The following SLC39A12 variants were observed in gnomAD, a reference collection of about 807,000 sequenced individuals.
SLC39A12 encodes zinc transporter ZIP12.
Under a neutral mutation model 71.1 loss-of-function variants are expected in SLC39A12, and 63 were observed. That is an observed-to-expected ratio of 0.89 (90% confidence interval 0.72 to 1.09). The LOEUF is 1.09. Ranked by LOEUF, SLC39A12 falls within the 50% of genes least tolerant of loss-of-function variation. SLC39A12 has a pLI of 0.00. For synonymous variants in SLC39A12, 351 were observed against 301.3 expected, an observed-to-expected ratio of 1.16 and a Z score of -1.71; for missense variants, 892 against 812.6, an observed-to-expected ratio of 1.10 and a Z score of -1.19.
intron 12 of SLC39A12, among the ~76,000 whole-genome samples, chr10:18,039,405 A>G (rs991867114): frequency 5.3e-5 from 8 of 152,206 alleles, no homozygotes; most frequent in African/African-American, 1.9e-4. Context: ...GGAGAAAACT[A>G]TTAAAAAATA....
chr10:18,036,794 A>ATTTTTTTTT lies in SLC39A12; in HGVS notation c.1948-5908_1948-5900dup, dbSNP rs746691202. ...TATATATATATATATATATATATATATTTTTTTTTTTAATGGAATCTCACT... is the reference window on the plus strand; with the variant it reads ...TATATATATATATATATATATATATATTTTTTTTTTTTTTTTTTTTAATGGAATCTCACT... On this transcript the variant is annotated intron_variant, in intron 12 of 12. Transcript: ENST00000377369. Among the ~76,000 whole-genome samples, 19 of 92,858 alleles carry ATTTTTTTTT rather than the reference A, an allele frequency of 2.0e-4. 1 individual carries two copies. The highest frequency in any genetic ancestry group is 1.3e-3 in the South Asian group (3 of 2,300). The allele number at this position is 92,858 out of a possible 152,430, so 60.9% of individuals were successfully genotyped here. A position where few individuals can be genotyped will look rare whatever the true frequency, so the allele number is the denominator to read the frequency against.
intron 4 of SLC39A12, among the ~76,000 whole-genome samples, chr10:17,966,850 T>C (rs1219218462): frequency 6.6e-6 from 1 of 151,850 alleles, no homozygotes; most frequent in African/African-American, 2.4e-5. Flanking sequence ...GGCGTGTGCC[T>C]GTAGTCCCAG....
intron 4 of SLC39A12, among the ~76,000 whole-genome samples, chr10:17,973,950 C>T (rs1564642947): frequency 6.6e-6 from 1 of 151,340 alleles, no homozygotes; most frequent in Non-Finnish European, 1.5e-5. Context: ...TAGACCCTGT[C>T]TTGCAAGCTT....
chr10:18,030,032 A>G (rs933641273), intron 12 of SLC39A12, among the ~76,000 whole-genome samples: 3 of 150,906 alleles, frequency 2.0e-5, no homozygotes, highest in African/African-American at 4.9e-5. Flanking sequence ...AAGAGATACT[A>G]TGGTTCATAT....
chr10:18,033,900 C>A (rs1836923545), intron 12 of SLC39A12, among the ~76,000 whole-genome samples: 2 of 151,824 alleles, frequency 1.3e-5, no homozygotes, highest in African/African-American at 2.4e-5. Context: ...GCCTTCATTT[C>A]GTTATGTACC....
chr10:17,977,762 T>C (rs1835146669), intron 4 of SLC39A12, 140 bp from the exon 5 acceptor site: 1 of 589,936 alleles, frequency 1.7e-6, no homozygotes, highest in Non-Finnish European at 2.7e-6. Flanking sequence ...TGGGTGGAAA[T>C]GTCCATTCTG....
intron 6 of SLC39A12, among the ~76,000 whole-genome samples, chr10:17,983,495 G>A (rs1835320794): frequency 6.6e-6 from 1 of 151,498 alleles, no homozygotes; most frequent in Admixed American, 6.6e-5. Flanking sequence ...TTAAAAACAA[G>A]AACCTAGGCC....
chr10:17,973,438 C>T (rs970446538), intron 4 of SLC39A12, among the ~76,000 whole-genome samples: 8 of 152,064 alleles, frequency 5.3e-5, no homozygotes, highest in Non-Finnish European at 7.4e-5. Flanking sequence ...AATAAAATCC[C>T]TCAGCTTTTG....
chr10:18,029,981 T>C (rs1340063983), intron 12 of SLC39A12, among the ~76,000 whole-genome samples: 1 of 151,500 alleles, frequency 6.6e-6, no homozygotes, highest in East Asian at 1.9e-4. Flanking sequence ...TTTGTAGCTG[T>C]TGGAAAGACT....
At chr10:17,980,876 A>G (rs1162238366) in intron 5 of SLC39A12, among the ~76,000 whole-genome samples, 1 of 152,176 alleles carries the variant, frequency 6.6e-6, no homozygotes, top group Non-Finnish European at 1.5e-5. Flanking sequence ...ACACAGGCTG[A>G]CTAAATCAAA....
chr10:17,988,181 G>T (rs150002872), intron 7 of SLC39A12, among the ~76,000 whole-genome samples: 6 of 152,128 alleles, frequency 3.9e-5, no homozygotes, highest in African/African-American at 1.4e-4. Flanking sequence ...AGTGCCATGC[G>T]TCTGTAATCC....
In SLC39A12 at chr10:17,981,474, A is replaced by G. The variant is rs139456412; in HGVS notation, c.1087A>G (p.Thr363Ala). 5.2e-5 allele frequency: 83 copies of G among 1,610,638 alleles called. No homozygotes were observed. Among genetic ancestry groups the G allele is most frequent in the Non-Finnish European group, 6.6e-5 (78 of 1,178,488 alleles). Reference protein sequence around the residue: ...KDQQAKLPPTTLEKYGYSTVA... With the variant: ...KDQQAKLPPTALEKYGYSTVA... The stretch of plus-strand genomic sequence containing the variant: ...CCAACAAGCAAAGCTGCCACCTACC[A>G]CTCTGGAGAGTAAGTTCTGGATCTT... The change falls in exon 6 of 13, where the codon ACT becomes GCT. Residue 363 changes from threonine to alanine, a missense_variant. Transcript: ENST00000377369.
intron 3 of SLC39A12, among the ~76,000 whole-genome samples, chr10:17,963,325 A>T (rs1834739704): frequency 6.6e-6 from 1 of 152,194 alleles, no homozygotes; most frequent in Non-Finnish European, 1.5e-5. Flanking sequence ...AATCCTACCC[A>T]TTACTGCCTC....
chr10:18,000,338 G>A lies in SLC39A12; in HGVS notation c.1601-329G>A, dbSNP rs142003705. On this transcript the variant is annotated intron_variant, in intron 10 of 12. Transcript: ENST00000377369. ...TTTAAATGCATTGCAAAAGACAGAC[G>A]GGAAGGTCATCAGTGGTACTTGGGG... Among the ~76,000 whole-genome samples, 945 of 152,288 alleles carry A rather than the reference G, an allele frequency of 6.2e-3. 3 individuals carry two copies. The highest frequency in any genetic ancestry group is 0.02 in the Middle Eastern group (6 of 294).
chr10:18,035,039 C>T (rs1313704456), intron 12 of SLC39A12, among the ~76,000 whole-genome samples: 1 of 146,926 alleles, frequency 6.8e-6, no homozygotes, highest in African/African-American at 2.5e-5. Flanking sequence ...ATGGGCTTCC[C>T]TTTGAGGGTA....
chr10:17,989,575 G>A (rs1381036554), intron 7 of SLC39A12, among the ~76,000 whole-genome samples: 1 of 150,692 alleles, frequency 6.6e-6, no homozygotes, highest in East Asian at 2.0e-4. Context: ...GAACTTCAGA[G>A]ATTAGCTGGG....
At chr10:17,986,881 C>A (rs142412431) in intron 6 of SLC39A12, among the ~76,000 whole-genome samples, 2 of 152,042 alleles carry the variant, frequency 1.3e-5, no homozygotes, top group Admixed American at 6.6e-5. Flanking sequence ...GGCACCTGCC[C>A]GTAGTCCCAG....
chr10:17,957,877 C>T (rs546681044), intron 2 of SLC39A12, among the ~76,000 whole-genome samples: 1 of 152,244 alleles, frequency 6.6e-6, no homozygotes, highest in African/African-American at 2.4e-5. Context: ...GGAAGGTTTC[C>T]AGCCCGTGGT....
chr10:17,953,215 C>A lies in SLC39A12; in HGVS notation c.-62C>A. On this transcript the variant is annotated 5_prime_UTR_variant, in exon 2 of 13. Coordinates refer to ENST00000377369, the MANE Select transcript of SLC39A12 (RefSeq NM_001145195.2). Reference sequence around the variant, plus strand: ...GAAATTCCTTTGGTTACAAGTTTACCCCATAAACGGCAACACACTCACCTC... The same window carrying A: ...GAAATTCCTTTGGTTACAAGTTTACACCATAAACGGCAACACACTCACCTC... The A allele has an allele frequency of 2.6e-6, 4 of 1,555,700 alleles. No homozygotes were observed. The South Asian group carries it at 4.9e-5, about 19-fold the overall frequency.
Sources: allele counts gnomAD v4.1 joint callset (sites outside exome capture counted in the v4.1 genomes callset), GRCh38; gene constraint gnomAD v4.1.1; transcripts MANE v1.5; gene names NCBI Gene and HGNC (gene_info 2026-07-23, HGNC 2026-07-21).